The following VEPH1 variants were observed in gnomAD, a reference collection of about 807,000 sequenced individuals.
VEPH1 encodes ventricular zone expressed PH domain containing 1.
VEPH1 carries 80 observed loss-of-function variants against 85.2 expected under a neutral mutation model. The ratio of observed to expected loss-of-function variants is 0.94; its 90% CI spans 0.78 to 1.13. VEPH1 has a LOEUF of 1.13. VEPH1 is among the 50% of genes most tolerant of loss of function. The pLI is 0.00. For synonymous variants in VEPH1, 297 were observed against 348.0 expected (o/e 0.85, Z 1.63); for missense variants, 955 against 980.5 (o/e 0.97, Z 0.35).
intron 3 of VEPH1, among the ~76,000 whole-genome samples, chr3:157,467,761 C>T (rs1167817707): frequency 6.6e-6 from 1 of 152,216 alleles, no homozygotes; most frequent in Non-Finnish European, 1.5e-5. Context: ...TTACCCACTT[C>T]TCTGCCTAAC....
At chr3:157,398,466 T>C (rs187039851) in intron 6 of VEPH1, among the ~76,000 whole-genome samples, 221 of 152,106 alleles carry the variant, frequency 1.5e-3, no homozygotes, top group African/African-American at 5.0e-3. Context: ...AAACACCATC[T>C]CTACTAAAAA....
chr3:157,408,153 A>T (rs1042239034), intron 6 of VEPH1, among the ~76,000 whole-genome samples: 1 of 152,158 alleles, frequency 6.6e-6, no homozygotes, highest in Non-Finnish European at 1.5e-5. Flanking sequence ...CAGCCTGCTG[A>T]GGCCTCGTAT....
At chr3:157,394,271 A>G (rs1730160870) in intron 6 of VEPH1, among the ~76,000 whole-genome samples, 1 of 152,236 alleles carries the variant, frequency 6.6e-6, no homozygotes, top group Non-Finnish European at 1.5e-5. Flanking sequence ...AGTACCATGT[A>G]AAGCCTTCCT....
intron 6 of VEPH1, among the ~76,000 whole-genome samples, chr3:157,412,504 C>T (rs1335612391): frequency 6.6e-6 from 1 of 152,094 alleles, no homozygotes; most frequent in Non-Finnish European, 1.5e-5. Flanking sequence ...TTTTTTGGTT[C>T]TTGCAAAGAT....
chr3:157,264,516 T>G (rs988360184), intron 13 of VEPH1, among the ~76,000 whole-genome samples: 2 of 152,222 alleles, frequency 1.3e-5, no homozygotes, highest in Non-Finnish European at 2.9e-5. Flanking sequence ...TACCACTGAC[T>G]CTGTATTTTA....
chr3:157,495,596 A>G (rs933703352), intron 1 of VEPH1, 90 bp from the exon 2 acceptor site: 12 of 730,032 alleles, frequency 1.6e-5, no homozygotes, highest in South Asian at 4.9e-5. Context: ...GAGAGAGAGA[A>G]AAAAGAAACT....
chr3:157,306,638 C>G (rs888074579), intron 11 of VEPH1, among the ~76,000 whole-genome samples: 2 of 151,882 alleles, frequency 1.3e-5, no homozygotes, highest in African/African-American at 4.8e-5. Context: ...TTTTCTGATG[C>G]ACATATGTAA....
intron 6 of VEPH1, among the ~76,000 whole-genome samples, chr3:157,406,071 C>A (rs1731118593): frequency 6.6e-6 from 1 of 152,138 alleles, no homozygotes; most frequent in African/African-American, 2.4e-5. Flanking sequence ...TTACAGTTAA[C>A]ATGTACCCTT....
intron 4 of VEPH1, among the ~76,000 whole-genome samples, chr3:157,429,810 T>C (rs1484084954): frequency 3.3e-5 from 5 of 152,204 alleles, no homozygotes; most frequent in Non-Finnish European, 7.3e-5. Flanking sequence ...TATGAGGACA[T>C]ACTGATCAAC....
At chr3:157,323,798 G>A (rs1721608227) in intron 9 of VEPH1, among the ~76,000 whole-genome samples, 1 of 151,698 alleles carries the variant, frequency 6.6e-6, no homozygotes, top group South Asian at 2.1e-4. Flanking sequence ...CTGATTTTGA[G>A]GAAAAAAATA....
At chr3:157,290,544 A>C (rs924943909) in intron 11 of VEPH1, among the ~76,000 whole-genome samples, 2 of 152,230 alleles carry the variant, frequency 1.3e-5, no homozygotes, top group Non-Finnish European at 2.9e-5. Context: ...TCTCCATGAA[A>C]GTGATGATTC....
chr3:157,451,141 G>GTT (rs1734937140), intron 4 of VEPH1, among the ~76,000 whole-genome samples: 1 of 152,144 alleles, frequency 6.6e-6, no homozygotes, highest in East Asian at 1.9e-4. Flanking sequence ...ATCTGGGAAA[G>GTT]TTTTAAAGAG....
chr3:157,372,168 A>G (rs560459635), intron 7 of VEPH1, among the ~76,000 whole-genome samples: 1 of 152,336 alleles, frequency 6.6e-6, no homozygotes, highest in East Asian at 1.9e-4. Context: ...TTGGCATTTG[A>G]CACTGGAAGA....
intron 13 of VEPH1, among the ~76,000 whole-genome samples, chr3:157,263,478 C>G (rs12696046): frequency 6.6e-6 from 1 of 152,050 alleles, no homozygotes; most frequent in Non-Finnish European, 1.5e-5. Flanking sequence ...AAAATTACTA[C>G]GTCTTCATTT....
intron 9 of VEPH1, among the ~76,000 whole-genome samples, chr3:157,349,769 C>T (rs1724651983): frequency 6.6e-6 from 1 of 152,046 alleles, no homozygotes; most frequent in African/African-American, 2.4e-5. Context: ...ATGCAATGTA[C>T]AATAGCTATT....
intron 7 of VEPH1, among the ~76,000 whole-genome samples, chr3:157,377,962 T>C (rs561863792): frequency 5.9e-5 from 9 of 152,250 alleles, no homozygotes; most frequent in African/African-American, 1.9e-4. Context: ...AAATGTCAAC[T>C]GGCCTCTTGA....
At chr3:157,344,737 A>G (rs1373161224) in intron 9 of VEPH1, among the ~76,000 whole-genome samples, 1 of 152,220 alleles carries the variant, frequency 6.6e-6, no homozygotes, top group Non-Finnish European at 1.5e-5. Flanking sequence ...AAGCCAAAAT[A>G]ACAAAGCTGG....
At chr3:157,474,080 C>T (rs931999469) in intron 2 of VEPH1, among the ~76,000 whole-genome samples, 1 of 151,942 alleles carries the variant, frequency 6.6e-6, no homozygotes, top group South Asian at 2.1e-4. Context: ...TGTCAGGTTT[C>T]GTATCAATTT....
intron 2 of VEPH1, among the ~76,000 whole-genome samples, chr3:157,485,088 T>G (rs1184571751): frequency 6.6e-6 from 1 of 152,210 alleles, no homozygotes; most frequent in African/African-American, 2.4e-5. Flanking sequence ...AATGTGGAAT[T>G]GCTGTCATTC....
Sources: allele counts gnomAD v4.1 joint callset (sites outside exome capture counted in the v4.1 genomes callset), GRCh38; gene constraint gnomAD v4.1.1; transcripts MANE v1.5; gene names NCBI Gene and HGNC (gene_info 2026-07-23, HGNC 2026-07-21).